The following BLTP1 variants were observed in gnomAD, a reference collection of about 807,000 sequenced individuals.
The protein encoded by BLTP1 is fragile site-associated protein.
chr4:122,338,868 A>C, the BLTP1 span, among the ~76,000 whole-genome samples: 6 of 152,202 alleles, frequency 3.9e-5, no homozygotes, highest in Non-Finnish European at 7.3e-5. Context: ...TAGGTTTTTA[A>C]AAATGATAGC....
At chr4:122,336,613 G>A in the BLTP1 span, 11 of 975,372 alleles carry the variant, frequency 1.1e-5, no homozygotes, top group East Asian at 1.1e-4. Flanking sequence ...CATCCTTAGT[G>A]TGTCCCTTGG....
At chr4:122,192,705 T>C in the BLTP1 span, among the ~76,000 whole-genome samples, 1 of 152,150 alleles carries the variant, frequency 6.6e-6, no homozygotes, top group Non-Finnish European at 1.5e-5. Flanking sequence ...CCCTACTATA[T>C]GCCAGATATT....
the BLTP1 span, chr4:122,237,069 ATT>A: frequency 1.0e-6 from 1 of 984,602 alleles, no homozygotes. Flanking sequence ...TCATTGCTCT[ATT>A]TTACATTTGT....
chr4:122,204,343 C>G, the BLTP1 span: 1 of 970,788 alleles, frequency 1.0e-6, no homozygotes, highest in Non-Finnish European at 1.2e-6. Flanking sequence ...TAAATGAATT[C>G]AGTAGTTTTA....
At chr4:122,349,915 T>G in the BLTP1 span, 1 of 1,613,790 alleles carries the variant, frequency 6.2e-7, no homozygotes, top group Non-Finnish European at 8.5e-7. The surrounding 1 kb of genome is among the most constrained non-coding windows in gnomAD (Gnocchi z 4.5). Context: ...GATATCAAGG[T>G]CAACCACACC....
the BLTP1 span, chr4:122,349,405 T>C: frequency 9.6e-6 from 15 of 1,559,352 alleles, no homozygotes; most frequent in South Asian, 1.6e-4. This position sits in a 1 kb window ranked among gnomAD's most constrained non-coding sequence, Gnocchi z 4.5. Flanking sequence ...CATGAGTTTT[T>C]CCCATGGACA....
At chr4:122,268,486 A>G in the BLTP1 span, among the ~76,000 whole-genome samples, 1 of 152,074 alleles carries the variant, frequency 6.6e-6, no homozygotes, top group African/African-American at 2.4e-5. Context: ...CCTCTGGGAT[A>G]TCTTCATCCT....
chr4:122,311,061 T>G, the BLTP1 span: 3 of 191,070 alleles, frequency 1.6e-5, no homozygotes, highest in Non-Finnish European at 2.9e-5. Context: ...TTTATTAAGG[T>G]GACAGCTTTA....
chr4:122,172,437 A>T, the BLTP1 span: 5 of 432,898 alleles, frequency 1.2e-5, no homozygotes, highest in South Asian at 3.9e-4. Flanking sequence ...TCATTAAAAA[A>T]ATAAATTTAG....
At chr4:122,305,436 T>G in the BLTP1 span, 1 of 963,782 alleles carries the variant, frequency 1.0e-6, no homozygotes, top group East Asian at 1.1e-4. Flanking sequence ...AGATTTTTTT[T>G]GTTTTTATTT....
chr4:122,246,613 T>C, the BLTP1 span: 1 of 1,543,642 alleles, frequency 6.5e-7, no homozygotes, highest in Non-Finnish European at 8.8e-7. Context: ...AGTTTTTCAT[T>C]TTTGTGCATA....
the BLTP1 span, chr4:122,339,291 T>A: frequency 6.2e-7 from 1 of 1,613,760 alleles, no homozygotes; most frequent in Non-Finnish European, 8.5e-7. Flanking sequence ...GGTGTTTTCT[T>A]CAAACCGAGG....
chr4:122,219,437 C>G, the BLTP1 span: 1 of 1,613,958 alleles, frequency 6.2e-7, no homozygotes, highest in African/African-American at 1.3e-5. Context: ...TCTGGGTGGA[C>G]TGCTGTTGGA....
the BLTP1 span, among the ~76,000 whole-genome samples, chr4:122,213,660 G>A: frequency 6.6e-5 from 10 of 152,022 alleles, no homozygotes; most frequent in Non-Finnish European, 1.2e-4. Flanking sequence ...ATCCATGGAA[G>A]AAACTAGACC....
the BLTP1 span, chr4:122,215,373 A>C: frequency 3.1e-6 from 3 of 983,258 alleles, no homozygotes; most frequent in African/African-American, 5.2e-5. Flanking sequence ...AAAATAAGAG[A>C]TCTGTTGGCT....
chr4:122,323,346 C>T, the BLTP1 span, among the ~76,000 whole-genome samples: 3 of 151,720 alleles, frequency 2.0e-5, no homozygotes, highest in Non-Finnish European at 4.4e-5. Context: ...TTCCAAACTC[C>T]TTACATGTGA....
the BLTP1 span, chr4:122,174,981 G>T: frequency 2.2e-6 from 2 of 894,376 alleles, no homozygotes; most frequent in African/African-American, 1.8e-5. Context: ...TAGAGATGTT[G>T]GTCTGTCATC....
chr4:122,221,535 G>T, the BLTP1 span, among the ~76,000 whole-genome samples: 11 of 152,198 alleles, frequency 7.2e-5, no homozygotes, highest in South Asian at 2.3e-3. Context: ...GGAAACTGAC[G>T]TTGATACAAT....
At chr4:122,246,360 C>T in the BLTP1 span, 1 of 1,352,222 alleles carries the variant, frequency 7.4e-7, no homozygotes, top group Non-Finnish European at 1.0e-6. Context: ...TGGTGTTTGT[C>T]CTTTTCAGTT....
Sources: gnomAD v4.1 joint callset for allele counts (sites outside exome capture counted in the v4.1 genomes callset) on GRCh38, gnomAD v4.1.1 for gene constraint, Gnocchi (gnomAD v3.1) non-coding constraint, MANE v1.5 for transcripts, NCBI Gene and HGNC (gene_info 2026-07-23, HGNC 2026-07-21) for gene names.